SPINK5: variants seen among roughly 807,000 people sequenced by gnomAD.
SPINK5 encodes serine protease inhibitor Kazal-type 5.
SPINK5 carries 125 observed loss-of-function variants against 151.8 expected under a neutral mutation model. The observed-to-expected ratio is 0.82, with a 90% CI of 0.71 to 0.96. The LOEUF (loss-of-function observed/expected upper bound fraction) is 0.96, where lower values mean the gene tolerates loss of function less well. Ranked by LOEUF, SPINK5 falls within the 40% of genes least tolerant of loss-of-function variation. The pLI, the probability that SPINK5 is intolerant of heterozygous loss-of-function variation, is 0.00. For synonymous variants in SPINK5, 374 were observed against 395.3 expected (o/e 0.95, Z 0.64); for missense variants, 1,194 against 1,291.9 (o/e 0.92, Z 1.16).
chr5:148,106,592 C>T (rs758514429), intron 16 of SPINK5, among the ~76,000 whole-genome samples: 3 of 152,038 alleles, frequency 2.0e-5, no homozygotes, highest in Admixed American at 1.3e-4. Flanking sequence ...GCAGTGGCCT[C>T]CTAAAGTGTT....
chr5:148,086,258 A>C, intron 4 of SPINK5, 147 bp from the exon 5 acceptor site: 2 of 941,406 alleles, frequency 2.1e-6, no homozygotes, highest in East Asian at 2.7e-5. Context: ...ATTGCCCATA[A>C]ATTTATTAGC....
chr5:148,084,841 A>T (rs1753111471), intron 4 of SPINK5, among the ~76,000 whole-genome samples: 1 of 151,804 alleles, frequency 6.6e-6, no homozygotes, highest in Non-Finnish European at 1.5e-5. Flanking sequence ...CTATATCTAA[A>T]ATAGTCCCCA....
chr5:148,136,072 C>A (rs1366430032), intron 32 of SPINK5, among the ~76,000 whole-genome samples: 1 of 152,044 alleles, frequency 6.6e-6, no homozygotes, highest in Non-Finnish European at 1.5e-5. Context: ...AGTATAATAT[C>A]TTGGGTTCAA....
rs72660259 is a variant in SPINK5 at position 148,112,821 on chromosome 5, T to G, written c.1821-47T>G. On this transcript the variant is annotated intron_variant, in intron 19 of 32. Coordinates refer to ENST00000256084, the MANE Select transcript of SPINK5 (RefSeq NM_006846.4). ...GAGACATTTCTCCTTTAGGGTAGTATGTATTGGGTGCTAGGAATGATTGTT... is the reference window on the plus strand; with the variant it reads ...GAGACATTTCTCCTTTAGGGTAGTAGGTATTGGGTGCTAGGAATGATTGTT... 0.11 allele frequency: 177,180 copies of G among 1,611,200 alleles called. 14,434 individuals carry two copies. Among genetic ancestry groups the G allele is most frequent in the East Asian group, 0.31 (13,769 of 44,748 alleles).
At chr5:148,116,205 A>T (rs940169602) in intron 21 of SPINK5, among the ~76,000 whole-genome samples, 165 bp from the exon 22 acceptor site, 21 of 152,138 alleles carry the variant, frequency 1.4e-4, no homozygotes, top group African/African-American at 4.8e-4. Flanking sequence ...GACTCCATAT[A>T]ATTTATATTT....
At chr5:148,086,646 T>C in intron 5 of SPINK5, 114 bp downstream of exon 5, 1 of 1,353,398 alleles carries the variant, frequency 7.4e-7, no homozygotes, top group Middle Eastern at 1.9e-4. Context: ...GAGTTAGCCA[T>C]TCCTAAATTA....
chr5:148,130,721 T>C (rs78750314), intron 30 of SPINK5, among the ~76,000 whole-genome samples: 1 of 152,280 alleles, frequency 6.6e-6, no homozygotes, highest in East Asian at 1.9e-4. Context: ...CATTATCTGT[T>C]TTAATCCCTT....
At chr5:148,066,250 A>G (rs1365512044) in intron 2 of SPINK5, among the ~76,000 whole-genome samples, 1 of 152,152 alleles carries the variant, frequency 6.6e-6, no homozygotes, top group Non-Finnish European at 1.5e-5. Context: ...ATTTTCTACT[A>G]GAAGTTAAAT....
At chr5:148,122,219 TAC>T (rs1380116279) in intron 26 of SPINK5, among the ~76,000 whole-genome samples, 1 of 152,118 alleles carries the variant, frequency 6.6e-6, no homozygotes, top group Admixed American at 6.5e-5. Context: ...AGGGTTGCAA[TAC>T]AGTCAGAGGA....
intron 18 of SPINK5, 70 bp from the exon 19 acceptor site, chr5:148,111,698 G>A: frequency 6.2e-7 from 1 of 1,609,176 alleles, no homozygotes; most frequent in Non-Finnish European, 8.5e-7. Flanking sequence ...TTTTAAAGCA[G>A]TATTGTGGAG....
At position 148,110,912 on chromosome 5, in the gene SPINK5, G is replaced by A. The variant is rs140061593; in HGVS notation, c.1693-856G>A. 2.2e-3 allele frequency among the ~76,000 whole-genome samples: 332 copies of A among 152,044 alleles called. 2 individuals carry two copies. Among genetic ancestry groups the A allele is most frequent in the African/African-American group, 7.6e-3 (314 of 41,484 alleles). ...GGTGCAGCAAACCACCATGGCACAT[G>A]TATACCTATGTAACAAACCTGCATG... On this transcript the variant is annotated intron_variant, in intron 18 of 32. Coordinates refer to ENST00000256084, the MANE Select transcript of SPINK5 (RefSeq NM_006846.4).
intron 4 of SPINK5, among the ~76,000 whole-genome samples, chr5:148,079,948 TTTA>T (rs1415646390): frequency 6.6e-6 from 1 of 151,032 alleles, no homozygotes; most frequent in African/African-American, 2.4e-5. Context: ...AAAGACACTT[TTTA>T]TTGGAAATGA....
Position 148,133,853 on chromosome 5 carries a change from C to A in SPINK5, c.3152C>A (p.Thr1051Asn). ...ACAGGGAAGTGTGAGGAGAGCAGCA[C>A]CCCAGGAACCACCGCAGCCAGCATG... ...RSTGKCEESS[T>N]PGTTAASMPP... Residue 1051 changes from threonine to asparagine, a missense_variant, in exon 32 of 33, where the codon ACC becomes AAC. Coordinates refer to ENST00000256084, the MANE Select transcript of SPINK5 (RefSeq NM_006846.4). 1.2e-6 allele frequency: 2 copies of A among 1,613,966 alleles called. No homozygotes were observed. Among genetic ancestry groups the A allele is most frequent in the Non-Finnish European group, 1.7e-6 (2 of 1,179,926 alleles).
In SPINK5 at chr5:148,137,177, T is replaced by A; in HGVS notation, c.*186T>A. ...TCCATCTCTTTCCTCCTAGACTCTG[T>A]GATCTGAGGGTATAAAGACATCTCC... On this transcript the variant is annotated 3_prime_UTR_variant, in exon 33 of 33. Transcript: ENST00000256084. 1.4e-6 allele frequency: 1 copy of A among 739,502 alleles called. No individual in the cohort carries two copies. Among genetic ancestry groups the A allele is most frequent in the Non-Finnish European group, 2.3e-6 (1 of 440,660 alleles). The allele number at this position is 739,502 out of a possible 1,614,324, so 45.8% of individuals were successfully genotyped here.
chr5:148,066,027 G>A (rs748500933), intron 2 of SPINK5, among the ~76,000 whole-genome samples: 3 of 152,112 alleles, frequency 2.0e-5, no homozygotes, highest in South Asian at 2.1e-4. Context: ...CCTGAGAATG[G>A]AGGTGGTATC....
At chr5:148,135,730 A>T (rs1754680681) in intron 32 of SPINK5, among the ~76,000 whole-genome samples, 2 of 151,918 alleles carry the variant, frequency 1.3e-5, no homozygotes, top group African/African-American at 4.8e-5. Flanking sequence ...TTGGGGTGGA[A>T]GCCTGTTGTT....
intron 2 of SPINK5, among the ~76,000 whole-genome samples, chr5:148,066,752 G>A (rs1352391002): frequency 6.6e-6 from 1 of 152,094 alleles, no homozygotes; most frequent in African/African-American, 2.4e-5. Flanking sequence ...CTTTTTCAGA[G>A]TCCGTGATGA....
chr5:148,083,015 G>A (rs1380775981), intron 4 of SPINK5, among the ~76,000 whole-genome samples: 3 of 150,336 alleles, frequency 2.0e-5, no homozygotes, highest in Non-Finnish European at 3.0e-5. Flanking sequence ...AAATTTCTGA[G>A]AAGTGTTTGC....
intron 19 of SPINK5, 136 bp from the exon 20 acceptor site, chr5:148,112,732 G>A (rs1031471768): frequency 2.8e-6 from 4 of 1,419,118 alleles, no homozygotes; most frequent in Non-Finnish European, 1.9e-6. Context: ...AGAGATGTGT[G>A]TTTACCTTTC....
Sources: gnomAD v4.1 joint callset for allele counts (sites outside exome capture counted in the v4.1 genomes callset) on GRCh38, gnomAD v4.1.1 for gene constraint, MANE v1.5 for transcripts, NCBI Gene and HGNC (gene_info 2026-07-23, HGNC 2026-07-21) for gene names.